ADAT2: variants seen among roughly 807,000 people sequenced by gnomAD.
ADAT2 encodes the protein tRNA-specific adenosine-34 deaminase catalytic subunit ADAT2.
ADAT2 carries 26 observed loss-of-function variants against 25.9 expected under a neutral mutation model. That is an observed-to-expected ratio of 1.00 (90% CI 0.74 to 1.39). ADAT2 has a LOEUF of 1.39. ADAT2 is among the 40% of genes most tolerant of loss of function. The probability of loss-of-function intolerance (pLI) is 0.00; values close to 1 mark genes in which losing one functional copy is unlikely to be tolerated. For synonymous variants in ADAT2, 76 were observed against 86.8 expected (o/e 0.88, Z 0.69); for missense variants, 220 against 244.8 (o/e 0.90, Z 0.68).
Position 143,424,035 on chromosome 6 carries a change from G to A in ADAT2, c.*4428C>T. The A allele has an allele frequency of 6.6e-6, 1 of 152,116 alleles. No individual in the cohort carries two copies. The highest frequency in any genetic ancestry group is 2.1e-4 in the South Asian group (1 of 4,802). 9.4% of individuals were successfully genotyped at this position (152,116 alleles called of 1,614,324 possible). A position where few individuals can be genotyped will look rare whatever the true frequency, so the allele number is the denominator to read the frequency against. On this transcript the variant is annotated 3_prime_UTR_variant, in exon 6 of 6. Transcript: ENST00000237283. This position sits in a 1 kb window ranked among gnomAD's most constrained non-coding sequence, Gnocchi z 4.8. ...AACCCAATATCCACTTAGAAATCAG[G>A]TGATAAATAGTCACGAGCCTGTTTT... is the stretch of plus-strand genomic sequence containing the variant.
At position 143,444,300 on chromosome 6, in the gene ADAT2, C is replaced by T. The variant is rs939059773; in HGVS notation, c.97-5606G>A. Among the ~76,000 whole-genome samples, 1 of 152,058 alleles carries T rather than the reference C, an allele frequency of 6.6e-6. No individual in the cohort carries two copies. The highest frequency in any genetic ancestry group is 2.4e-5 in the African/African-American group (1 of 41,392). On this transcript the variant is annotated intron_variant, in intron 1 of 5. Transcript: ENST00000237283. This position sits in a 1 kb window ranked among gnomAD's most constrained non-coding sequence, Gnocchi z 4.3. ...ACGTCATTGTTGAGGAATGGCCGAG[C>T]CTGCCATGCTGAGGATGAGTGGGTA...
chr6:143,438,587 T>A lies in ADAT2; in HGVS notation c.201+3A>T. 6.2e-7 allele frequency: 1 copy of A among 1,606,344 alleles called. No homozygotes were observed. The highest frequency in any genetic ancestry group is 8.5e-7 in the Non-Finnish European group (1 of 1,173,152). On this transcript the variant is annotated splice_donor_region_variant and intron_variant, in intron 2 of 5. Coordinates refer to ENST00000237283, the MANE Select transcript of ADAT2 (RefSeq NM_182503.3). ...TTGCAATTATACTGCTCAACTCACA[T>A]ACATTTTTGGTTTGGTTAACTTCAT...
Position 143,428,788 on chromosome 6 carries a change from A to T in ADAT2, c.460-104T>A. 9.0e-7 allele frequency: 1 copy of T among 1,106,452 alleles called. No homozygotes were observed. Among genetic ancestry groups the T allele is most frequent in the South Asian group, 1.5e-5 (1 of 66,388 alleles). 68.5% of individuals were successfully genotyped at this position (1,106,452 alleles called of 1,614,324 possible). On this transcript the variant is annotated intron_variant, in intron 4 of 5. Transcript: ENST00000237283. The surrounding 1 kb of genome is among the most constrained non-coding windows in gnomAD (Gnocchi z 5.0). The stretch of plus-strand genomic sequence containing the variant: ...ACATGATTATGTAAACAGATTTCAG[A>T]TGTTAATAAACTTTGGGGATATTAG...
Position 143,440,964 on chromosome 6 carries a change from G to C in ADAT2, c.97-2270C>G, listed in dbSNP as rs1406938491. 2.0e-5 allele frequency among the ~76,000 whole-genome samples: 3 copies of C among 152,164 alleles called. No individual in the cohort carries two copies. The highest frequency in any genetic ancestry group is 4.4e-5 in the Non-Finnish European group (3 of 68,016). Reference sequence around the variant, plus strand: ...ACCCACAGAAGGCAAGAGGCGAAGTGATAACGGAAGGAGAGAGAGAGAGAT... The same window carrying C: ...ACCCACAGAAGGCAAGAGGCGAAGTCATAACGGAAGGAGAGAGAGAGAGAT... On this transcript the variant is annotated intron_variant, in intron 1 of 5. Coordinates refer to ENST00000237283, the MANE Select transcript of ADAT2 (RefSeq NM_182503.3). This position sits in a 1 kb window ranked among gnomAD's most constrained non-coding sequence, Gnocchi z 4.5.
At position 143,428,772 on chromosome 6, in the gene ADAT2, T is replaced by C. The variant is rs889474043; in HGVS notation, c.460-88A>G. ...AAAACAACATATATATACATGATTA[T>C]GTAAACAGATTTCAGATGTTAATAA... On this transcript the variant is annotated intron_variant, in intron 4 of 5. Transcript: ENST00000237283. This position sits in a 1 kb window ranked among gnomAD's most constrained non-coding sequence, Gnocchi z 5.0. 19 of 1,221,122 alleles carry C rather than the reference T, an allele frequency of 1.6e-5. No individual in the cohort carries two copies. Among genetic ancestry groups the C allele is most frequent in the Non-Finnish European group, 2.0e-5 (17 of 861,016 alleles). 75.6% of individuals were successfully genotyped at this position (1,221,122 alleles called of 1,614,324 possible). A position where few individuals can be genotyped will look rare whatever the true frequency, so the allele number is the denominator to read the frequency against.
intron 1 of ADAT2, among the ~76,000 whole-genome samples, chr6:143,447,419 T>C (rs566449593): frequency 2.0e-4 from 31 of 152,136 alleles, no homozygotes; most frequent in Admixed American, 5.9e-4. Context: ...GTGACTAATA[T>C]ATTAAGACTA....
chr6:143,430,625 A>G (rs1779080194), intron 4 of ADAT2, among the ~76,000 whole-genome samples: 1 of 152,100 alleles, frequency 6.6e-6, no homozygotes. Context: ...GCAGTGGCGC[A>G]ATCTCGGCTC....
rs757226847 is a variant in ADAT2, at chr6:143,433,813, C to A, written c.352+18G>T. The A allele has an allele frequency of 1.1e-5, 18 of 1,612,018 alleles. No individual in the cohort carries two copies. The East Asian group carries it at 3.6e-4, about 32-fold the overall frequency. On this transcript the variant is annotated intron_variant, in intron 3 of 5. Transcript: ENST00000237283. ...ACACGAATGGTACGATACATTAACT[C>A]ATGAAGTCAAAGGATACTCATCAGG...
rs1779338633 is a variant in ADAT2, at chr6:143,437,901, T to C, written c.201+689A>G. Among the ~76,000 whole-genome samples the C allele has an allele frequency of 6.6e-6, 1 of 152,224 alleles. No homozygotes were observed. The highest frequency in any genetic ancestry group is 6.5e-5 in the Admixed American group (1 of 15,286). On this transcript the variant is annotated intron_variant, in intron 2 of 5. Coordinates refer to ENST00000237283, the MANE Select transcript of ADAT2 (RefSeq NM_182503.3). This position sits in a 1 kb window ranked among gnomAD's most constrained non-coding sequence, Gnocchi z 4.1. Reference sequence around the variant, plus strand: ...TACTTATACTTCCCAAGTATACTTATCATGACACACTATTGTGATACCATG... The same window carrying C: ...TACTTATACTTCCCAAGTATACTTACCATGACACACTATTGTGATACCATG...
intron 4 of ADAT2, among the ~76,000 whole-genome samples, chr6:143,430,389 A>G (rs1469354590): frequency 6.6e-6 from 1 of 152,210 alleles, no homozygotes; most frequent in Non-Finnish European, 1.5e-5. Context: ...GACTGAGCAG[A>G]GTCAGGCACA....
Position 143,427,096 on chromosome 6 carries a change from A to AAC in ADAT2, c.*1365_*1366dup, listed in dbSNP as rs68003531. ...CCATAAAACTTTTCAAATGCAGTTA[A>AAC]ACACACACACACACACACACACACA... On this transcript the variant is annotated 3_prime_UTR_variant, in exon 6 of 6. Coordinates refer to ENST00000237283, the MANE Select transcript of ADAT2 (RefSeq NM_182503.3). 0.31 allele frequency: 43,433 copies of AAC among 140,074 alleles called. 6,746 individuals are homozygous for AAC. The highest frequency in any genetic ancestry group is 0.38 in the Admixed American group (5,373 of 13,986). The allele number at this position is 140,074 out of a possible 1,614,324, so 8.7% of individuals were successfully genotyped here. A position where few individuals can be genotyped will look rare whatever the true frequency, so the allele number is the denominator to read the frequency against.
Position 143,436,210 on chromosome 6 carries a change from A to G in ADAT2, c.202-2229T>C. 4.9e-6 allele frequency: 1 copy of G among 205,332 alleles called. No homozygotes were observed. The highest frequency in any genetic ancestry group is 1.1e-4 in the East Asian group (1 of 8,948). The allele number at this position is 205,332 out of a possible 1,614,324, so 12.7% of individuals were successfully genotyped here. On this transcript the variant is annotated intron_variant, in intron 2 of 5. Coordinates refer to ENST00000237283, the MANE Select transcript of ADAT2 (RefSeq NM_182503.3). The surrounding 1 kb of genome is among the most constrained non-coding windows in gnomAD (Gnocchi z 4.1). ...GTATTTCAAAATGAGCATTTAAACA[A>G]CAAAGAAGGCCCTGACAGTGGCTGA...
chr6:143,442,283 T>C lies in ADAT2; in HGVS notation c.97-3589A>G, dbSNP rs1779480962. Among the ~76,000 whole-genome samples, 1 of 152,200 alleles carries C rather than the reference T, an allele frequency of 6.6e-6. No individual in the cohort carries two copies. The highest frequency in any genetic ancestry group is 1.5e-5 in the Non-Finnish European group (1 of 68,032). ...ACTTGGATGGATCTCATGGGAATCATGCTGAATGGAGAAAGCCAAGCCAAA... is the reference window on the plus strand; with the variant it reads ...ACTTGGATGGATCTCATGGGAATCACGCTGAATGGAGAAAGCCAAGCCAAA... On this transcript the variant is annotated intron_variant, in intron 1 of 5. Transcript: ENST00000237283. This position sits in a 1 kb window ranked among gnomAD's most constrained non-coding sequence, Gnocchi z 4.6.
rs192705719 is a variant in ADAT2 at position 143,430,762 on chromosome 6, T to C, written c.459+1743A>G. ...TTGTATTTTTAGTAGAGACGGGGTT[T>C]CACCATGTTAGCCAGGATGGTCTCG... On this transcript the variant is annotated intron_variant, in intron 4 of 5. Coordinates refer to ENST00000237283, the MANE Select transcript of ADAT2 (RefSeq NM_182503.3). 2.5e-3 allele frequency among the ~76,000 whole-genome samples: 383 copies of C among 152,160 alleles called. 5 individuals are homozygous for C. Among genetic ancestry groups the C allele is most frequent in the African/African-American group, 8.7e-3 (361 of 41,512 alleles).
intron 1 of ADAT2, among the ~76,000 whole-genome samples, chr6:143,441,237 A>G (rs1779447557): frequency 1.3e-5 from 2 of 152,214 alleles, no homozygotes; most frequent in African/African-American, 4.8e-5. Flanking sequence ...AAAGAGGAAG[A>G]AAAACATGCT....
chr6:143,445,043 A>C, intron 1 of ADAT2: 1 of 945,990 alleles, frequency 1.1e-6, no homozygotes, highest in South Asian at 1.4e-5. Flanking sequence ...CCTGTCCAAA[A>C]GGCTAAACTA....
intron 4 of ADAT2, among the ~76,000 whole-genome samples, chr6:143,431,996 A>C (rs1385999553): frequency 6.6e-6 from 1 of 152,204 alleles, no homozygotes; most frequent in African/African-American, 2.4e-5. Flanking sequence ...GGAAATTTCA[A>C]CATTAAAAAG....
At chr6:143,435,841 C>T (rs1169785675) in intron 2 of ADAT2, among the ~76,000 whole-genome samples, 2 of 152,096 alleles carry the variant, frequency 1.3e-5, no homozygotes, top group Admixed American at 1.3e-4. Flanking sequence ...AAAATTATGT[C>T]ATTTTTCAAC....
chr6:143,435,367 G>A (rs1477057859), intron 2 of ADAT2, among the ~76,000 whole-genome samples: 1 of 149,916 alleles, frequency 6.7e-6, no homozygotes, highest in Non-Finnish European at 1.5e-5. Flanking sequence ...TGGTGGTGGC[G>A]ACTGGGTAGT....
Sources: allele counts gnomAD v4.1 joint callset (sites outside exome capture counted in the v4.1 genomes callset), GRCh38; gene constraint gnomAD v4.1.1; non-coding constraint Gnocchi (gnomAD v3.1); transcripts MANE v1.5; gene names NCBI Gene and HGNC (gene_info 2026-07-23, HGNC 2026-07-21).